SPAG17: variants seen among roughly 807,000 people sequenced by gnomAD.
SPAG17 encodes sperm-associated antigen 17.
Under a neutral mutation model 273.6 loss-of-function variants are expected in SPAG17, and 169 were observed. That is an observed-to-expected ratio of 0.62 (90% CI 0.55 to 0.70). The LOEUF (loss-of-function observed/expected upper bound fraction) is 0.70, where lower values mean the gene tolerates loss of function less well. SPAG17 is among the 30% of genes least tolerant of loss of function. The pLI is 0.00. For missense variants in SPAG17, 2,557 were observed against 2,627.8 expected, an observed-to-expected ratio of 0.97 and a Z score of 0.59; for synonymous variants, 825 against 873.2, an observed-to-expected ratio of 0.94 and a Z score of 0.97.
At chr1:118,069,261 C>T (rs1450358921) in intron 17 of SPAG17, among the ~76,000 whole-genome samples, 1 of 145,774 alleles carries the variant, frequency 6.9e-6, no homozygotes, top group African/African-American at 2.5e-5. Context: ...AGGATAATTG[C>T]TTCAACCCAG....
chr1:117,983,838 C>A lies in SPAG17; in HGVS notation c.5845G>T (p.Val1949Phe), dbSNP rs770863719. The change falls in exon 42 of 49, where the codon GTT (valine) becomes TTT (phenylalanine). Residue 1949 changes from valine to phenylalanine, a missense_variant. Coordinates refer to ENST00000336338, the MANE Select transcript of SPAG17 (RefSeq NM_206996.4). ...AGATTAAGATCAGATGTATCTTGAA[C>A]AGCTGTTTCGTTTGCATCTTCATTT... ...KKNEDANETA[V>F]QDTSDLNLDF... 6.2e-7 allele frequency: 1 copy of A among 1,612,186 alleles called. No individual in the cohort carries two copies. Among genetic ancestry groups the A allele is most frequent in the South Asian group, 1.1e-5 (1 of 90,972 alleles).
At chr1:117,986,072 G>A (rs900446184) in intron 40 of SPAG17, among the ~76,000 whole-genome samples, 3 of 152,152 alleles carry the variant, frequency 2.0e-5, no homozygotes, top group Non-Finnish European at 2.9e-5. Context: ...AGCATCATAC[G>A]TTCTGTAAGT....
At chr1:117,966,327 T>G (rs1440502419) in intron 47 of SPAG17, 1 of 255,816 alleles carries the variant, frequency 3.9e-6, no homozygotes, top group Non-Finnish European at 7.3e-6. Flanking sequence ...TTGTGATAGA[T>G]ACTTGCTGTT....
chr1:118,151,957 A>T (rs997559482), intron 1 of SPAG17, among the ~76,000 whole-genome samples: 2 of 152,206 alleles, frequency 1.3e-5, no homozygotes, highest in Admixed American at 6.5e-5. Flanking sequence ...AAATAATTTT[A>T]AAAAATTAGT....
chr1:118,093,427 C>T (rs1340434987), intron 7 of SPAG17, 110 bp from the exon 8 acceptor site: 2 of 1,083,102 alleles, frequency 1.8e-6, no homozygotes, highest in Non-Finnish European at 2.6e-6. Flanking sequence ...TACAGGAAAG[C>T]AAACCCCTAA....
chr1:118,131,660 G>C (rs1658058797), intron 3 of SPAG17, among the ~76,000 whole-genome samples: 1 of 152,182 alleles, frequency 6.6e-6, no homozygotes, highest in African/African-American at 2.4e-5. Flanking sequence ...GTTTTATGCT[G>C]TTTAACTGCA....
Position 118,066,736 on chromosome 1 carries a change from A to G in SPAG17, c.2540+9T>C, listed in dbSNP as rs780482289. On this transcript the variant is annotated intron_variant, in intron 18 of 48. Coordinates refer to ENST00000336338, the MANE Select transcript of SPAG17 (RefSeq NM_206996.4). ...CTAACTAATTAACTAAACTTTCCAA[A>G]TTTGTTACCTGAATCCAACATTGGA... 5.0e-6 allele frequency: 8 copies of G among 1,604,226 alleles called. No homozygotes were observed. Among genetic ancestry groups the G allele is most frequent in the Non-Finnish European group, 6.8e-6 (8 of 1,176,758 alleles).
intron 48 of SPAG17, among the ~76,000 whole-genome samples, chr1:117,955,540 T>C (rs1379478868): frequency 6.6e-6 from 1 of 152,156 alleles, no homozygotes; most frequent in Non-Finnish European, 1.5e-5. Context: ...AGGAAGTTCC[T>C]TCTAAAGTAT....
intron 3 of SPAG17, among the ~76,000 whole-genome samples, chr1:118,128,012 C>T (rs1312918616): frequency 6.6e-6 from 1 of 151,974 alleles, no homozygotes; most frequent in Admixed American, 6.6e-5. Context: ...GTCTAACCTA[C>T]TTGGGAGGCT....
rs751100132 is a variant in SPAG17, at chr1:118,151,316, A to T, written c.141T>A (p.Asp47Glu). Residue 47 changes from aspartate (D) to glutamate (E), a missense_variant, in exon 2 of 49, where the codon GAT becomes GAA. Physicochemically the swap from Asp to Glu is conservative, Grantham distance 45 (BLOSUM62 2). Transcript: ENST00000336338. ...CCACGGTAAGGGCTTGGATGAGAAG[A>T]TCATCTTCAATCTGGTTCCCAACCA... ...AFVVGNQIED[D>E]LLIQALTVAV... The T allele has an allele frequency of 3.1e-6, 5 of 1,613,256 alleles. No homozygotes were observed. The highest frequency in any genetic ancestry group is 2.5e-6 in the Non-Finnish European group (3 of 1,179,440).
chr1:118,088,030 C>T (rs1412846891), intron 10 of SPAG17, among the ~76,000 whole-genome samples: 2 of 152,176 alleles, frequency 1.3e-5, no homozygotes, highest in Non-Finnish European at 2.9e-5. Context: ...AAAATTGCAT[C>T]CTATTCTTTA....
intron 1 of SPAG17, among the ~76,000 whole-genome samples, chr1:118,168,819 G>C (rs1266753473): frequency 6.6e-6 from 1 of 152,154 alleles, no homozygotes; most frequent in Non-Finnish European, 1.5e-5. Flanking sequence ...ATACAGGAGA[G>C]GATTTTAATG....
In SPAG17 at chr1:117,987,876, G is replaced by C; in HGVS notation, c.5627C>G (p.Thr1876Arg). The C allele has an allele frequency of 3.1e-6, 5 of 1,611,340 alleles. No individual in the cohort carries two copies. Among genetic ancestry groups the C allele is most frequent in the South Asian group, 1.1e-5 (1 of 91,034 alleles). Reference protein sequence around the residue: ...KDFFEKTWRHTASSKRWKEKI... With the variant: ...KDFFEKTWRHRASSKRWKEKI... ...TTCTTTCCAGCGTTTTGAGGATGCT[G>C]TGTGTCTATGTGAAAGGAAAGGAAA... The change falls in exon 40 of 49, where the codon ACA becomes AGA. Residue 1876 changes from threonine (T) to arginine (R), a missense_variant. Transcript: ENST00000336338.
intron 18 of SPAG17, among the ~76,000 whole-genome samples, chr1:118,057,013 C>T (rs1269352209): frequency 6.6e-6 from 1 of 150,844 alleles, no homozygotes; most frequent in Non-Finnish European, 1.5e-5. Flanking sequence ...CTCGCTCTGT[C>T]ACCCAGGCCA....
rs755581663 is a variant in SPAG17, at chr1:117,996,667, C to T, written c.4853G>A (p.Gly1618Asp). Residue 1618 changes from glycine (G) to aspartate (D), a missense_variant, in exon 33 of 49, where the codon GGC becomes GAC. Coordinates refer to ENST00000336338, the MANE Select transcript of SPAG17 (RefSeq NM_206996.4). ...LEDDLNEKTEGYDSLSSMHLE... is the reference protein window; with the variant it reads ...LEDDLNEKTEDYDSLSSMHLE... Reference sequence around the variant, plus strand: ...GTGCATAGAGGACAGACTATCATAGCCCTCAGTTTTCTCATTTAAATCATC... The same window carrying T: ...GTGCATAGAGGACAGACTATCATAGTCCTCAGTTTTCTCATTTAAATCATC... The T allele has an allele frequency of 1.9e-6, 3 of 1,612,634 alleles. No individual in the cohort carries two copies. In the East Asian group the frequency reaches 6.7e-5, roughly 36 times the overall value.
intron 1 of SPAG17, among the ~76,000 whole-genome samples, chr1:118,181,176 CA>C (rs1477455535): frequency 6.6e-6 from 1 of 151,420 alleles, no homozygotes; most frequent in Non-Finnish European, 1.5e-5. Flanking sequence ...ACATGTCACA[CA>C]AAAAAATCAA....
intron 26 of SPAG17, among the ~76,000 whole-genome samples, chr1:118,027,754 C>A (rs1292256129): frequency 6.6e-6 from 1 of 152,118 alleles, no homozygotes; most frequent in Non-Finnish European, 1.5e-5. Context: ...TGTACAGAAC[C>A]AACACTATAA....
chr1:118,035,317 T>TAG (rs1648957863), intron 24 of SPAG17, among the ~76,000 whole-genome samples: 1 of 152,162 alleles, frequency 6.6e-6, no homozygotes, highest in South Asian at 2.1e-4. Flanking sequence ...AAATCAAGAT[T>TAG]AATAAAATCA....
intron 3 of SPAG17, among the ~76,000 whole-genome samples, chr1:118,147,014 T>C (rs536940175): frequency 1.4e-4 from 21 of 152,362 alleles, no homozygotes; most frequent in African/African-American, 4.6e-4. Flanking sequence ...TGAATTCTTA[T>C]ACACTTTACC....
Sources: gnomAD v4.1 joint callset for allele counts (sites outside exome capture counted in the v4.1 genomes callset) on GRCh38, gnomAD v4.1.1 for gene constraint, MANE v1.5 for transcripts, NCBI Gene and HGNC (gene_info 2026-07-23, HGNC 2026-07-21) for gene names.